Variants in PDE4B observed in about 807,000 individuals in gnomAD.
PDE4B encodes phosphodiesterase 4B.
PDE4B carries 20 observed loss-of-function variants against 82.2 expected under a neutral mutation model. The ratio of observed to expected loss-of-function variants is 0.24; its 90% CI spans 0.17 to 0.35. The LOEUF is 0.35. Among genes scored for constraint, PDE4B ranks in the 10% least tolerant of loss-of-function variants. The probability of loss-of-function intolerance (pLI) is 1.00; values close to 1 mark genes in which losing one functional copy is unlikely to be tolerated. For synonymous variants in PDE4B, 320 were observed against 318.9 expected (o/e 1.00, Z -0.04); for missense variants, 655 against 907.2 (o/e 0.72, Z 3.57).
At chr1:66,150,434 A>G (rs768076418) in intron 3 of PDE4B, among the ~76,000 whole-genome samples, 3 of 152,210 alleles carry the variant, frequency 2.0e-5, no homozygotes, top group African/African-American at 7.2e-5. Flanking sequence ...ATATTTTTCT[A>G]TCAGATTCCT....
chr1:66,020,145 T>G (rs773392183), intron 3 of PDE4B, among the ~76,000 whole-genome samples: 40 of 152,338 alleles, frequency 2.6e-4, no homozygotes, highest in Non-Finnish European at 5.0e-4. Context: ...AATGCCTATT[T>G]GAAATTTGTC....
chr1:66,247,581 C>A lies in PDE4B; in HGVS notation c.403C>A (p.Leu135Ile). 2 of 1,611,546 alleles carry A rather than the reference C, an allele frequency of 1.2e-6. No individual in the cohort carries two copies. Residue 135 changes from leucine to isoleucine, a missense_variant, in exon 4 of 17, where the codon CTC (leucine) becomes ATC (isoleucine). By Grantham distance (5) the Leu-to-Ile change is conservative. Around this residue, in one of 3 missense-constraint regions of PDE4B, gnomAD observed 253 missense variants for 275.6 expected, o/e 0.92. Transcript: ENST00000341517. Reference sequence around the variant, plus strand: ...GCACAGCCAGCGCAGAGAGTCATTTCTCTACAGATCAGACAGCGACTATGA... The same window carrying A: ...GCACAGCCAGCGCAGAGAGTCATTTATCTACAGATCAGACAGCGACTATGA... ...PGHSQRRESF[L>I]YRSDSDYDLS...
At chr1:66,178,205 G>C (rs980581930) in intron 3 of PDE4B, among the ~76,000 whole-genome samples, 2 of 151,640 alleles carry the variant, frequency 1.3e-5, no homozygotes, top group African/African-American at 4.8e-5. Context: ...TTATTATATT[G>C]TTTTTAAAAA....
At chr1:66,167,089 A>G (rs1252995648) in intron 3 of PDE4B, among the ~76,000 whole-genome samples, 1 of 152,228 alleles carries the variant, frequency 6.6e-6, no homozygotes, top group African/African-American at 2.4e-5. Flanking sequence ...TGGAACTCTC[A>G]TACATTTCTG....
chr1:66,017,479 T>C (rs1334833236), intron 3 of PDE4B, among the ~76,000 whole-genome samples: 1 of 152,238 alleles, frequency 6.6e-6, no homozygotes, highest in African/African-American at 2.4e-5. Context: ...CAATTTATTC[T>C]GCATGTATTC....
At chr1:65,989,400 T>C (rs1279936241) in intron 3 of PDE4B, among the ~76,000 whole-genome samples, 1 of 151,682 alleles carries the variant, frequency 6.6e-6, no homozygotes, top group Non-Finnish European at 1.5e-5. Context: ...ACTCAGGAGG[T>C]AGGATCGCTT....
intron 7 of PDE4B, chr1:66,331,928 C>T (rs3767308): frequency 0.011 from 11,333 of 993,688 alleles, 337 homozygotes; most frequent in African/African-American, 0.089. Context: ...GGTCAGTGTT[C>T]GCTGAATTAG....
intron 7 of PDE4B, among the ~76,000 whole-genome samples, chr1:66,276,914 C>T (rs113041722): frequency 2.0e-5 from 3 of 152,118 alleles, no homozygotes; most frequent in South Asian, 2.1e-4. Flanking sequence ...TATCTAAATG[C>T]GTTATTTTAC....
intron 3 of PDE4B, among the ~76,000 whole-genome samples, chr1:66,038,030 G>T (rs1438663220): frequency 2.0e-5 from 3 of 150,310 alleles, no homozygotes; most frequent in African/African-American, 7.6e-5. Flanking sequence ...GAGTAAAATT[G>T]GGGACAGTTT....
chr1:66,371,094 C>CTACATA (rs2050749443), intron 16 of PDE4B, among the ~76,000 whole-genome samples: 1 of 74,842 alleles, frequency 1.3e-5, no homozygotes, highest in East Asian at 7.9e-4. Context: ...ACACATCATA[C>CTACATA]TATATATATA....
chr1:66,118,390 C>T (rs1195619054), intron 3 of PDE4B, among the ~76,000 whole-genome samples: 1 of 152,096 alleles, frequency 6.6e-6, no homozygotes, highest in African/African-American at 2.4e-5. Flanking sequence ...ACTATGCAGC[C>T]ATAAAAAAGG....
At chr1:65,935,956 A>G (rs1276308671) in intron 3 of PDE4B, among the ~76,000 whole-genome samples, 2 of 152,054 alleles carry the variant, frequency 1.3e-5, no homozygotes, top group Admixed American at 1.3e-4. Flanking sequence ...CAAAACAACA[A>G]CAACAACAAC....
rs76333413 is a variant in PDE4B at position 65,817,426 on chromosome 1, T to C, written c.-71+24178T>C. Among the ~76,000 whole-genome samples, 747 of 152,310 alleles carry C rather than the reference T, an allele frequency of 4.9e-3. 13 individuals carry two copies. Among genetic ancestry groups the C allele is most frequent in the East Asian group, 0.028 (143 of 5,190 alleles). ...TATCAAAGCAAGACTCTTCTGTAAC[T>C]CTAAATTTACATGTACATGTCAGTA... On this transcript the variant is annotated intron_variant, in intron 1 of 16. Transcript: ENST00000341517.
At chr1:66,092,624 T>A (rs1038068458) in intron 3 of PDE4B, among the ~76,000 whole-genome samples, 11 of 152,044 alleles carry the variant, frequency 7.2e-5, no homozygotes, top group Non-Finnish European at 1.5e-4. Context: ...GACAAGATAC[T>A]GTAAACACAA....
At chr1:66,166,807 A>G (rs1646742039) in intron 3 of PDE4B, among the ~76,000 whole-genome samples, 1 of 152,170 alleles carries the variant, frequency 6.6e-6, no homozygotes, top group Middle Eastern at 3.2e-3. Flanking sequence ...GTATCTGATA[A>G]GGGACATGTT....
intron 8 of PDE4B, among the ~76,000 whole-genome samples, chr1:66,342,581 A>T (rs1296728827): frequency 6.6e-6 from 1 of 151,414 alleles, no homozygotes; most frequent in East Asian, 1.9e-4. Context: ...AAAGAAAAAA[A>T]ATTAGCTGGG....
At chr1:65,959,786 C>T (rs1407746845) in intron 3 of PDE4B, among the ~76,000 whole-genome samples, 3 of 152,100 alleles carry the variant, frequency 2.0e-5, no homozygotes, top group Non-Finnish European at 2.9e-5. Context: ...CCATCAACAG[C>T]AAAACAGGTT....
intron 1 of PDE4B, among the ~76,000 whole-genome samples, chr1:65,877,616 AAAATAAATAAATAAATAAAT>A (rs58204108): frequency 6.8e-6 from 1 of 147,728 alleles, no homozygotes; most frequent in Non-Finnish European, 1.5e-5. Context: ...CTCTGTCTAA[AAAATAAATAAATAAATAAAT>A]AAATAAATAA....
At chr1:66,013,934 C>T (rs1652628702) in intron 3 of PDE4B, among the ~76,000 whole-genome samples, 1 of 152,098 alleles carries the variant, frequency 6.6e-6, no homozygotes, top group Non-Finnish European at 1.5e-5. Context: ...TTCACTTTCT[C>T]CACATTCTGA....
Sources: gnomAD v4.1 joint callset for allele counts (sites outside exome capture counted in the v4.1 genomes callset) on GRCh38, gnomAD v4.1.1 for gene constraint, gnomAD v4.1.1 regional missense constraint, MANE v1.5 for transcripts, NCBI Gene and HGNC (gene_info 2026-07-23, HGNC 2026-07-21) for gene names.